Variants in FN3K observed in about 807,000 individuals in gnomAD.
FN3K encodes the protein fructosamine 3 kinase, also known as fructosamine-3-kinase.
Under a neutral mutation model 24.8 loss-of-function variants are expected in FN3K, and 24 were observed. The observed-to-expected ratio is 0.97, with a 90% confidence interval of 0.70 to 1.36. FN3K has a LOEUF of 1.36. Among genes scored for constraint, FN3K ranks in the 40% most tolerant of loss-of-function variants. The pLI is 0.00. For missense variants in FN3K, 449 were observed against 416.7 expected, an observed-to-expected ratio of 1.08 and a Z score of -0.67; for synonymous variants, 192 against 175.2, an observed-to-expected ratio of 1.10 and a Z score of -0.76.
chr17:82,748,957 G>C lies in FN3K; in HGVS notation c.571G>C (p.Glu191Gln). ...EKDYADREAR[E>Q]LWSRLQVKIP... ...GGACTATGCTGACCGAGAGGCACGA[G>C]AACTCTGGTCCCGGCTACAGGTGGG... The change falls in exon 5 of 6, where the codon GAA (glutamate) becomes CAA (glutamine). Residue 191 changes from glutamate to glutamine, a missense_variant. Transcript: ENST00000300784. The C allele has an allele frequency of 6.2e-7, 1 of 1,614,214 alleles. No individual in the cohort carries two copies. The highest frequency in any genetic ancestry group is 1.1e-5 in the South Asian group (1 of 91,086).
In FN3K at chr17:82,744,909, C is replaced by T. The variant is rs1007426403; in HGVS notation, c.468+3516C>T. On this transcript the variant is annotated intron_variant, in intron 4 of 5. Transcript: ENST00000300784. The stretch of plus-strand genomic sequence containing the variant: ...GTATTGCTGCCCGCATGTCCCACCT[C>T]CAGCCCAAGGCGGTTTTTCCCTATC... Among the ~76,000 whole-genome samples, 5 of 152,238 alleles carry T rather than the reference C, an allele frequency of 3.3e-5. No individual in the cohort carries two copies. The South Asian group carries it at 1.0e-3, about 31-fold the overall frequency.
Position 82,750,719 on chromosome 17 carries a change from C to T in FN3K, c.894C>T (p.Ser298=). Residue 298 remains serine, a synonymous_variant, in exon 6 of 6, where the codon AGC becomes AGT. Transcript: ENST00000300784. ...HWNHFGREYR[S]PSLGTMRRLL... is the part of the protein sequence containing the mutation. ...ACCACTTCGGGCGGGAGTACAGGAG[C>T]CCTTCCTTGGGCACCATGCGAAGGC... is the stretch of plus-strand genomic sequence containing the variant. The T allele has an allele frequency of 6.2e-7, 1 of 1,613,638 alleles. No homozygotes were observed. The highest frequency in any genetic ancestry group is 8.5e-7 in the Non-Finnish European group (1 of 1,179,980).
intron 4 of FN3K, among the ~76,000 whole-genome samples, chr17:82,746,111 A>C (rs1298660711): frequency 6.6e-6 from 1 of 151,240 alleles, no homozygotes; most frequent in African/African-American, 2.4e-5. Flanking sequence ...AAAAAAAAAA[A>C]ACTACCAAAC....
In FN3K at chr17:82,749,917, G is replaced by T. The variant is rs191686198; in HGVS notation, c.592-500G>T. The stretch of plus-strand genomic sequence containing the variant: ...TACTAAAAATACAAAAATTAGCCGG[G>T]TGTAGTGGCGGGTGCCTGTAATCCC... On this transcript the variant is annotated intron_variant, in intron 5 of 5. Transcript: ENST00000300784. The T allele has an allele frequency of 4.9e-3, 868 of 178,402 alleles. 14 individuals carry two copies. The highest frequency in any genetic ancestry group is 0.03 in the Admixed American group (555 of 18,328). The allele number at this position is 178,402 out of a possible 1,614,324, so 11.1% of individuals were successfully genotyped here. A position where few individuals can be genotyped will look rare whatever the true frequency, so the allele number is the denominator to read the frequency against.
chr17:82,738,947 T>TATATATATATACGTGTATATATATATA (rs1491164859), intron 2 of FN3K, among the ~76,000 whole-genome samples: 1 of 65,284 alleles, frequency 1.5e-5, no homozygotes, highest in Non-Finnish European at 3.1e-5. Context: ...TATATATATA[T>TATATATATATACGTGTATATATATATA]TTTTTTTTTT....
chr17:82,739,748 C>T lies in FN3K; in HGVS notation c.294-1015C>T, dbSNP rs112471147. ...CTGGGATTATAGGCGTGAGCCACCG[C>T]GCCCGGCCTAATTTTTGTATTTTTA... On this transcript the variant is annotated intron_variant, in intron 2 of 5. Transcript: ENST00000300784. 1.7e-3 allele frequency among the ~76,000 whole-genome samples: 265 copies of T among 152,180 alleles called. 3 individuals carry two copies. The highest frequency in any genetic ancestry group is 6.0e-3 in the African/African-American group (250 of 41,516).
Position 82,740,850 on chromosome 17 carries a change from A to C in FN3K, c.381A>C (p.Thr127=). ...AGAAGTTGAAGGAGGAGGAGAACAC[A>C]GTGGGTATGTTCAGATTGCTTTTGG... ...LREKLKEEEN[T]VGRRGEGAEP... The change falls in exon 3 of 6, where the codon ACA becomes ACC. Residue 127 remains threonine, a synonymous_variant. Transcript: ENST00000300784. 1.2e-6 allele frequency: 2 copies of C among 1,611,602 alleles called. No homozygotes were observed. Among genetic ancestry groups the C allele is most frequent in the South Asian group, 2.2e-5 (2 of 91,002 alleles).
In FN3K at chr17:82,735,748, G is replaced by T; in HGVS notation, c.112G>T (p.Val38Leu). The T allele has an allele frequency of 6.4e-7, 1 of 1,563,728 alleles. No individual in the cohort carries two copies. ...GRAYDTDAGP[V>L]FVKVNRRTQA... ...AGCCTACGACACGGACGCAGGCCCAGTGTTCGTCAAAGTCAACCGCAGGAC... is the reference window on the plus strand; with the variant it reads ...AGCCTACGACACGGACGCAGGCCCATTGTTCGTCAAAGTCAACCGCAGGAC... Residue 38 changes from valine (V) to leucine (L), a missense_variant, in exon 1 of 6, where the codon GTG becomes TTG. Val to Leu is a conservative substitution (Grantham distance 32). Coordinates refer to ENST00000300784, the MANE Select transcript of FN3K (RefSeq NM_022158.4).
Position 82,751,174 on chromosome 17 carries a change from G to T in FN3K, c.*419G>T. ...CTCCCAGATCCTGGGGACCAATAAA[G>T]CCCGCAGCGGGTCTCGGCTGGCGTC... On this transcript the variant is annotated 3_prime_UTR_variant, in exon 6 of 6. Transcript: ENST00000300784. 1.1e-5 allele frequency: 1 copy of T among 94,372 alleles called. No homozygotes were observed. The highest frequency in any genetic ancestry group is 3.0e-4 in the South Asian group (1 of 3,352). The allele number at this position is 94,372 out of a possible 1,614,324, so 5.8% of individuals were successfully genotyped here.
At position 82,735,715 on chromosome 17, in the gene FN3K, G is replaced by T; in HGVS notation, c.79G>T (p.Glu27Ter). 6.4e-7 allele frequency: 1 copy of T among 1,553,226 alleles called. No homozygotes were observed. Among genetic ancestry groups the T allele is most frequent in the East Asian group, 2.4e-5 (1 of 41,976 alleles). ...CGGCCCCGGCGCCGGCTGCATCAGCGAGGGCCGAGCCTACGACACGGACGC... is the reference window on the plus strand; with the variant it reads ...CGGCCCCGGCGCCGGCTGCATCAGCTAGGGCCGAGCCTACGACACGGACGC... ...FGGPGAGCIS[E>*]GRAYDTDAGP... is the part of the protein sequence containing the mutation. Residue 27 changes from glutamate to a stop codon, truncating the protein, a stop_gained, in exon 1 of 6, where the codon GAG becomes TAG. Coordinates refer to ENST00000300784, the MANE Select transcript of FN3K (RefSeq NM_022158.4). LOFTEE classifies it high-confidence loss of function.
In FN3K at chr17:82,750,907, TCCCCGTCC is replaced by T. The variant is rs1452968787; in HGVS notation, c.*163_*170del. 99 of 394,712 alleles carry T rather than the reference TCCCCGTCC, an allele frequency of 2.5e-4. 1 individual carries two copies. In the African/African-American group the frequency reaches 2.9e-3, roughly 12 times the overall value. The allele number at this position is 394,712 out of a possible 1,614,324, so 24.5% of individuals were successfully genotyped here. ...ATCCCCCCGTCCCCCCATCCTCCTGTCCCCGTCCCCCCGTCCCCGTCCCTCCATCCCTG... is the reference window on the plus strand; with the variant it reads ...ATCCCCCCGTCCCCCCATCCTCCTGTCCCCGTCCCCGTCCCTCCATCCCTG... On this transcript the variant is annotated 3_prime_UTR_variant, in exon 6 of 6. Coordinates refer to ENST00000300784, the MANE Select transcript of FN3K (RefSeq NM_022158.4).
At chr17:82,739,820 C>T (rs573519229) in intron 2 of FN3K, among the ~76,000 whole-genome samples, 98 of 152,270 alleles carry the variant, frequency 6.4e-4, no homozygotes, top group African/African-American at 2.1e-3. Context: ...CTCAGTGATC[C>T]GCCTGCCTTG....
At chr17:82,743,941 GA>G (rs1359562727) in intron 4 of FN3K, among the ~76,000 whole-genome samples, 2 of 151,882 alleles carry the variant, frequency 1.3e-5, no homozygotes, top group Non-Finnish European at 2.9e-5. Context: ...CAGGTGGCAG[GA>G]CTGGGCTAGC....
intron 4 of FN3K, among the ~76,000 whole-genome samples, chr17:82,745,963 G>A (rs1338082829): frequency 6.6e-6 from 1 of 151,840 alleles, no homozygotes; most frequent in Non-Finnish European, 1.5e-5. Context: ...GCATGGTGGC[G>A]GGCGCCTGTA....
At chr17:82,747,526 G>A (rs1047137518) in intron 4 of FN3K, among the ~76,000 whole-genome samples, 1 of 151,968 alleles carries the variant, frequency 6.6e-6, no homozygotes, top group Non-Finnish European at 1.5e-5. Flanking sequence ...TCAGCCTCCC[G>A]AGTAGCTGGG....
intron 1 of FN3K, 126 bp downstream of exon 1, chr17:82,735,903 G>GGGTCAGCTT: frequency 7.8e-7 from 1 of 1,285,598 alleles, no homozygotes; most frequent in Non-Finnish European, 1.1e-6. Context: ...CCCTTGGGAG[G>GGGTCAGCTT]TGGCACCTGC....
At chr17:82,748,296 C>A (rs55692131) in intron 4 of FN3K, among the ~76,000 whole-genome samples, 3 of 151,798 alleles carry the variant, frequency 2.0e-5, no homozygotes, top group Non-Finnish European at 2.9e-5. Flanking sequence ...TACAGGCCCA[C>A]GCCACCATGC....
Position 82,740,797 on chromosome 17 carries a change from T to A in FN3K, c.328T>A (p.Leu110Met), listed in dbSNP as rs1358265842. 6 of 1,613,780 alleles carry A rather than the reference T, an allele frequency of 3.7e-6. No homozygotes were observed. Among genetic ancestry groups the A allele is most frequent in the Admixed American group, 1.7e-5 (1 of 60,002 alleles). The change falls in exon 3 of 6, where the codon TTG becomes ATG. Residue 110 changes from leucine to methionine, a missense_variant. Physicochemically the swap from Leu to Met is conservative, Grantham distance 15. Coordinates refer to ENST00000300784, the MANE Select transcript of FN3K (RefSeq NM_022158.4). ...ASKLGEQMAD[L>M]HLYNQKLREK... ...AAAACTTGGAGAGCAGATGGCAGATTTGCATCTTTACAACCAGAAGCTCAG... is the reference window on the plus strand; with the variant it reads ...AAAACTTGGAGAGCAGATGGCAGATATGCATCTTTACAACCAGAAGCTCAG...
chr17:82,742,808 A>T (rs1475027787), intron 4 of FN3K: 3 of 441,928 alleles, frequency 6.8e-6, no homozygotes, highest in Non-Finnish European at 1.4e-5. Flanking sequence ...TGCTTCTTGA[A>T]GAGAGAATAC....
Sources: allele counts gnomAD v4.1 joint callset (sites outside exome capture counted in the v4.1 genomes callset), GRCh38; gene constraint gnomAD v4.1.1; transcripts MANE v1.5; gene names NCBI Gene and HGNC (gene_info 2026-07-23, HGNC 2026-07-21).